The following ARFIP1 variants were observed in gnomAD, a reference collection of about 807,000 sequenced individuals.
ARFIP1 encodes arfaptin-1.
A neutral mutation model predicts 42.5 loss-of-function variants in ARFIP1; 24 were observed. That is an observed-to-expected ratio of 0.57 (90% CI 0.41 to 0.80). The LOEUF (loss-of-function observed/expected upper bound fraction) is 0.80. Among genes scored for constraint, ARFIP1 ranks in the 30% least tolerant of loss-of-function variants. The pLI, the probability that ARFIP1 is intolerant of heterozygous loss-of-function variation, is 0.00. For synonymous variants in ARFIP1, 141 were observed against 153.7 expected, an observed-to-expected ratio of 0.92 and a Z score of 0.61; for missense variants, 354 against 434.0, an observed-to-expected ratio of 0.82 and a Z score of 1.64.
At chr4:152,785,511 C>T (rs1730747840) in intron 1 of ARFIP1, among the ~76,000 whole-genome samples, 1 of 152,190 alleles carries the variant, frequency 6.6e-6, no homozygotes, top group South Asian at 2.1e-4. Flanking sequence ...ATATATTGCC[C>T]AGGGTGGTCT....
chr4:152,792,083 T>C (rs1360971821), intron 1 of ARFIP1, among the ~76,000 whole-genome samples: 1 of 152,164 alleles, frequency 6.6e-6, no homozygotes, highest in Non-Finnish European at 1.5e-5. Context: ...GAATAATAAC[T>C]GATCTCTGGA....
chr4:152,880,400 A>G (rs968991208), intron 5 of ARFIP1, among the ~76,000 whole-genome samples: 9 of 152,070 alleles, frequency 5.9e-5, no homozygotes, highest in African/African-American at 2.2e-4. Context: ...CTGGGGCAGA[A>G]TACAATAACA....
At chr4:152,873,075 C>A (rs1193701348) in intron 5 of ARFIP1, among the ~76,000 whole-genome samples, 1 of 152,112 alleles carries the variant, frequency 6.6e-6, no homozygotes, top group Non-Finnish European at 1.5e-5. Flanking sequence ...TTTTCTTATG[C>A]CCTCCATAAA....
At chr4:152,879,439 G>T (rs1735643799) in intron 5 of ARFIP1, among the ~76,000 whole-genome samples, 1 of 152,138 alleles carries the variant, frequency 6.6e-6, no homozygotes, top group South Asian at 2.1e-4. Flanking sequence ...CTACTATTCA[G>T]TGTGATTAAA....
At chr4:152,869,903 C>G (rs1047245704) in intron 3 of ARFIP1, among the ~76,000 whole-genome samples, 9 of 152,256 alleles carry the variant, frequency 5.9e-5, no homozygotes, top group Non-Finnish European at 1.2e-4. Flanking sequence ...GGTTCTCAAA[C>G]TTGGTTGTGT....
chr4:152,823,903 A>G (rs1730599538), intron 1 of ARFIP1, among the ~76,000 whole-genome samples: 1 of 152,052 alleles, frequency 6.6e-6, no homozygotes, highest in Admixed American at 6.6e-5. Context: ...TGATGCCAAA[A>G]CCAGGGAAGG....
intron 1 of ARFIP1, among the ~76,000 whole-genome samples, chr4:152,815,009 C>T (rs1729755050): frequency 6.6e-6 from 1 of 152,176 alleles, no homozygotes; most frequent in Admixed American, 6.5e-5. Context: ...TGTCATCAGT[C>T]TCAGAAGCAG....
intron 8 of ARFIP1, among the ~76,000 whole-genome samples, chr4:152,888,800 C>T (rs1457815762): frequency 6.6e-6 from 1 of 152,106 alleles, no homozygotes; most frequent in Non-Finnish European, 1.5e-5. Flanking sequence ...TATGTGAACA[C>T]ATCTAAGGAC....
intron 2 of ARFIP1, among the ~76,000 whole-genome samples, chr4:152,859,732 C>CT (rs1228153242): frequency 6.6e-6 from 1 of 151,634 alleles, no homozygotes; most frequent in Non-Finnish European, 1.5e-5. Context: ...TAAAGCATGT[C>CT]TTTTTTCCCA....
chr4:152,837,695 T>C (rs189798596), intron 2 of ARFIP1, among the ~76,000 whole-genome samples: 50 of 152,326 alleles, frequency 3.3e-4, no homozygotes, highest in Middle Eastern at 3.4e-3. Flanking sequence ...GTCAGATGTA[T>C]AGATTGTGAA....
chr4:152,835,942 C>A (rs1731611973), intron 2 of ARFIP1, among the ~76,000 whole-genome samples: 2 of 152,068 alleles, frequency 1.3e-5, no homozygotes, highest in Non-Finnish European at 2.9e-5. Context: ...GACCCAGAGT[C>A]TTTTAAACAA....
At chr4:152,828,756 T>C (rs902122850) in intron 1 of ARFIP1, among the ~76,000 whole-genome samples, 10 of 152,240 alleles carry the variant, frequency 6.6e-5, no homozygotes, top group African/African-American at 2.4e-4. Context: ...TTTTCTTTCA[T>C]GGATTATGGC....
chr4:152,888,242 A>G lies in ARFIP1; in HGVS notation c.901A>G (p.Lys301Glu). ...EQSQHLFQAH[K>E]EKYDKMRNDV... ...GTCACAGCATCTCTTCCAAGCACAT[A>G]AGGAAAAATATGATAAAATGCGCAA... is the stretch of plus-strand genomic sequence containing the variant. Residue 301 changes from lysine (K) to glutamate (E), a missense_variant, in exon 8 of 9, where the codon AAG (lysine) becomes GAG (glutamate). Physicochemically the swap from Lys to Glu is moderately conservative, Grantham distance 56. Coordinates refer to ENST00000353617, the MANE Select transcript of ARFIP1 (RefSeq NM_001025595.3). 6.2e-7 allele frequency: 1 copy of G among 1,610,424 alleles called. No homozygotes were observed. Among genetic ancestry groups the G allele is most frequent in the Admixed American group, 1.7e-5 (1 of 59,224 alleles).
At chr4:152,891,700 T>C (rs767367948) in intron 8 of ARFIP1, among the ~76,000 whole-genome samples, 18 of 152,194 alleles carry the variant, frequency 1.2e-4, no homozygotes, top group Non-Finnish European at 2.2e-4. Context: ...ATTTGTTTGT[T>C]CGTTTGTTTG....
At chr4:152,873,707 A>G (rs897657862) in intron 5 of ARFIP1, among the ~76,000 whole-genome samples, 4 of 152,096 alleles carry the variant, frequency 2.6e-5, no homozygotes, top group Non-Finnish European at 5.9e-5. Flanking sequence ...TCACAGCCAT[A>G]GTTCATATTT....
chr4:152,891,762 G>A (rs1353595111), intron 8 of ARFIP1, among the ~76,000 whole-genome samples: 4 of 152,130 alleles, frequency 2.6e-5, no homozygotes, highest in African/African-American at 9.7e-5. Flanking sequence ...AGGCTGGAGT[G>A]CAGTGATGTA....
intron 1 of ARFIP1, among the ~76,000 whole-genome samples, chr4:152,790,059 A>G (rs1731058627): frequency 6.6e-6 from 1 of 152,202 alleles, no homozygotes; most frequent in Admixed American, 6.5e-5. Context: ...GAGTAAGGAA[A>G]TATATGTGTG....
At chr4:152,793,947 G>T (rs1017810336) in intron 1 of ARFIP1, among the ~76,000 whole-genome samples, 16 of 152,180 alleles carry the variant, frequency 1.1e-4, no homozygotes, top group Non-Finnish European at 2.2e-4. Flanking sequence ...GGCCTCACTG[G>T]AAGAGATTTT....
intron 5 of ARFIP1, among the ~76,000 whole-genome samples, chr4:152,878,640 A>C (rs1349382465): frequency 6.6e-6 from 1 of 152,214 alleles, no homozygotes; most frequent in Non-Finnish European, 1.5e-5. Flanking sequence ...CCTTATAATC[A>C]GTATCATCTT....
Sources: allele counts gnomAD v4.1 joint callset (sites outside exome capture counted in the v4.1 genomes callset), GRCh38; gene constraint gnomAD v4.1.1; transcripts MANE v1.5; gene names NCBI Gene and HGNC (gene_info 2026-07-23, HGNC 2026-07-21).